Variants in SUPT5H observed in about 807,000 individuals in gnomAD.
The protein encoded by SUPT5H is SPT5 homolog, DSIF elongation factor subunit.
SUPT5H carries 24 observed loss-of-function variants against 142.5 expected under a neutral mutation model. The ratio of observed to expected loss-of-function variants is 0.17; its 90% CI spans 0.12 to 0.24. The LOEUF (loss-of-function observed/expected upper bound fraction) is 0.24, where lower values mean the gene tolerates loss of function less well. Ranked by LOEUF, SUPT5H falls within the 10% of genes least tolerant of loss-of-function variation. SUPT5H has a pLI of 1.00. For missense variants in SUPT5H, 893 were observed against 1,471.8 expected, an observed-to-expected ratio of 0.61 and a Z score of 6.43; for synonymous variants, 546 against 553.0, an observed-to-expected ratio of 0.99 and a Z score of 0.18.
At chr19:39,447,664 C>A (rs1387711369) in intron 2 of SUPT5H, among the ~76,000 whole-genome samples, 1 of 152,062 alleles carries the variant, frequency 6.6e-6, no homozygotes, top group South Asian at 2.1e-4. Flanking sequence ...GGTGATCCAC[C>A]CTCCTTGGCC....
intron 1 of SUPT5H, 71 bp downstream of exon 1, chr19:39,445,708 A>AG (rs2078943832): frequency 1.5e-6 from 1 of 660,612 alleles, no homozygotes; most frequent in Non-Finnish European, 2.6e-6. Context: ...GAAACTGGGG[A>AG]GGTCTAGCAT....
At chr19:39,464,280 C>G (rs1418980117) in intron 10 of SUPT5H, among the ~76,000 whole-genome samples, 2 of 152,112 alleles carry the variant, frequency 1.3e-5, no homozygotes, top group Non-Finnish European at 1.5e-5. Context: ...CCACCGTGCC[C>G]GGCTCTAGTT....
In SUPT5H at chr19:39,457,712, G is replaced by A; in HGVS notation, c.279G>A (p.Glu93=). ...AGTATGAGGACGAGGACCAGTGGGA[G>A]GATGGAGCAGAGGACATTCTAGAGA... is the stretch of plus-strand genomic sequence containing the variant. The part of the protein sequence containing the change: ...DDEYEDEDQW[E]DGAEDILEKE... The change falls in exon 4 of 30, where the codon GAG becomes GAA. Residue 93 remains glutamate, a synonymous_variant. Transcript: ENST00000432763. 6.2e-7 allele frequency: 1 copy of A among 1,614,170 alleles called. No individual in the cohort carries two copies. The highest frequency in any genetic ancestry group is 8.5e-7 in the Non-Finnish European group (1 of 1,180,008).
chr19:39,466,880 C>G lies in SUPT5H; in HGVS notation c.1037+135C>G. 1.3e-6 allele frequency: 1 copy of G among 783,308 alleles called. No individual in the cohort carries two copies. The highest frequency in any genetic ancestry group is 2.2e-6 in the Non-Finnish European group (1 of 463,148). 48.5% of individuals were successfully genotyped at this position (783,308 alleles called of 1,614,324 possible). ...ATTGGTTAGCTTGGCAGTATAGCCT[C>G]AGGCAAGTCACTTCACATCCCTGTG... On this transcript the variant is annotated intron_variant, in intron 13 of 29. Transcript: ENST00000432763. This position sits in a 1 kb window ranked among gnomAD's most constrained non-coding sequence, Gnocchi z 4.3.
chr19:39,455,646 G>A (rs1413527514), intron 3 of SUPT5H, among the ~76,000 whole-genome samples: 1 of 147,204 alleles, frequency 6.8e-6, no homozygotes, highest in African/African-American at 2.5e-5. Context: ...TTTTTGAGAT[G>A]GAGTTTCGCT....
At chr19:39,460,280 C>T (rs2079144715) in intron 10 of SUPT5H, among the ~76,000 whole-genome samples, 1 of 152,224 alleles carries the variant, frequency 6.6e-6, no homozygotes, top group African/African-American at 2.4e-5. Flanking sequence ...CTGGGGTCAC[C>T]CACTTCACCA....
chr19:39,466,407 C>T lies in SUPT5H; in HGVS notation c.877-73C>T, dbSNP rs913412412. On this transcript the variant is annotated intron_variant, in intron 11 of 29. Coordinates refer to ENST00000432763, the MANE Select transcript of SUPT5H (RefSeq NM_001111020.3). The surrounding 1 kb of genome is among the most constrained non-coding windows in gnomAD (Gnocchi z 4.3). ...CTGCGTCCCTTCTCCTTCCTAGCAT[C>T]TCCTGACCCTTCTTGTGTCTGGGGT... The T allele has an allele frequency of 2.8e-5, 39 of 1,406,544 alleles. No individual in the cohort carries two copies. Among genetic ancestry groups the T allele is most frequent in the Non-Finnish European group, 3.6e-5 (36 of 994,818 alleles). The allele number at this position is 1,406,544 out of a possible 1,614,324, so 87.1% of individuals were successfully genotyped here. A position where few individuals can be genotyped will look rare whatever the true frequency, so the allele number is the denominator to read the frequency against.
intron 2 of SUPT5H, among the ~76,000 whole-genome samples, chr19:39,450,804 A>G (rs1265377832): frequency 6.6e-6 from 1 of 152,126 alleles, no homozygotes; most frequent in Non-Finnish European, 1.5e-5. Flanking sequence ...TTGGGTCATG[A>G]GAAAGTTTCA....
Position 39,469,986 on chromosome 19 carries a change from G to C in SUPT5H, c.1375-133G>C. ...TGAGGGGTCGTCCAGGTGGACTAAGGTAGTCTGGGGTGGGTGGTAAGAGCC... is the reference window on the plus strand; with the variant it reads ...TGAGGGGTCGTCCAGGTGGACTAAGCTAGTCTGGGGTGGGTGGTAAGAGCC... On this transcript the variant is annotated intron_variant, in intron 16 of 29. Transcript: ENST00000432763. The surrounding 1 kb of genome is among the most constrained non-coding windows in gnomAD (Gnocchi z 5.1). 8.4e-7 allele frequency: 1 copy of C among 1,197,090 alleles called. No homozygotes were observed. The highest frequency in any genetic ancestry group is 1.4e-5 in the South Asian group (1 of 69,466). 74.2% of individuals were successfully genotyped at this position (1,197,090 alleles called of 1,614,324 possible).
At chr19:39,460,732 C>G (rs1045012945) in intron 10 of SUPT5H, among the ~76,000 whole-genome samples, 8 of 152,124 alleles carry the variant, frequency 5.3e-5, no homozygotes, top group African/African-American at 1.9e-4. Context: ...GATTAGGTGG[C>G]TTTATGTCCA....
intron 3 of SUPT5H, among the ~76,000 whole-genome samples, chr19:39,454,616 G>A (rs1383422201): frequency 1.3e-5 from 2 of 151,992 alleles, no homozygotes; most frequent in Non-Finnish European, 2.9e-5. Flanking sequence ...CTGAGATTAC[G>A]GGCGTGAGCC....
Position 39,464,927 on chromosome 19 carries a change from C to T in SUPT5H, c.754C>T (p.Gln252Ter). Reference sequence around the variant, plus strand: ...CAACCTGCGGCTTGGCTACTGGAACCAGCAGATGGTGCCCATCAAGGAGAT... The same window carrying T: ...CAACCTGCGGCTTGGCTACTGGAACTAGCAGATGGTGCCCATCAAGGAGAT... The part of the protein sequence containing the change: ...VGNLRLGYWN[Q>*]QMVPIKEMTD... Residue 252 changes from glutamine (Q) to a stop codon, truncating the protein, a stop_gained, in exon 11 of 30, where the codon CAG becomes TAG. Transcript: ENST00000432763. LOFTEE classifies it high-confidence loss of function. 1 of 1,614,124 alleles carries T rather than the reference C, an allele frequency of 6.2e-7. No individual in the cohort carries two copies. Among genetic ancestry groups the T allele is most frequent in the Non-Finnish European group, 8.5e-7 (1 of 1,179,988 alleles).
chr19:39,470,611 C>G lies in SUPT5H; in HGVS notation c.1677+88C>G. 2.1e-6 allele frequency: 3 copies of G among 1,418,244 alleles called. No individual in the cohort carries two copies. In the East Asian group the frequency reaches 7.8e-5, roughly 37 times the overall value. 87.9% of individuals were successfully genotyped at this position (1,418,244 alleles called of 1,614,324 possible). ...TCATCCTGGGAGGTGGCAGAGCCCC[C>G]AGACTGCTCTGGGTTGCAGATCTGG... is the stretch of plus-strand genomic sequence containing the variant. On this transcript the variant is annotated intron_variant, in intron 18 of 29. Coordinates refer to ENST00000432763, the MANE Select transcript of SUPT5H (RefSeq NM_001111020.3). This position sits in a 1 kb window ranked among gnomAD's most constrained non-coding sequence, Gnocchi z 5.8.
In SUPT5H at chr19:39,445,937, A is replaced by G. The variant is rs754205658; in HGVS notation, c.47A>G (p.Glu16Gly). ...DSNFSEEEDS[E>G]RSSDGEEAEV... ...AACTTTTCCGAGGAGGAGGACAGCG[A>G]GCGCAGCAGTGACGGCGAGGAGGCC... The change falls in exon 2 of 30, where the codon GAG becomes GGG. Residue 16 changes from glutamate to glycine, a missense_variant. Transcript: ENST00000432763. 1.1e-5 allele frequency: 18 copies of G among 1,613,462 alleles called. No individual in the cohort carries two copies. In the South Asian group the frequency reaches 2.0e-4, roughly 18 times the overall value.
Position 39,458,431 on chromosome 19 carries a change from C to A in SUPT5H, c.319+126C>A, listed in dbSNP as rs1306079539. 6.6e-6 allele frequency: 10 copies of A among 1,516,388 alleles called. No homozygotes were observed. Among genetic ancestry groups the A allele is most frequent in the Non-Finnish European group, 8.0e-6 (9 of 1,122,864 alleles). 93.9% of individuals were successfully genotyped at this position (1,516,388 alleles called of 1,614,324 possible). A position where few individuals can be genotyped will look rare whatever the true frequency, so the allele number is the denominator to read the frequency against. On this transcript the variant is annotated intron_variant, in intron 5 of 29. Coordinates refer to ENST00000432763, the MANE Select transcript of SUPT5H (RefSeq NM_001111020.3). This position sits in a 1 kb window ranked among gnomAD's most constrained non-coding sequence, Gnocchi z 4.2. The stretch of plus-strand genomic sequence containing the variant: ...CCGGTCTGGCCCTGAGGGCTCTGAC[C>A]CATGTAGGATCCAGAGTCAGGGAGT...
Position 39,458,187 on chromosome 19 carries a change from T to G in SUPT5H, c.308-107T>G. On this transcript the variant is annotated intron_variant, in intron 4 of 29. Transcript: ENST00000432763. This position sits in a 1 kb window ranked among gnomAD's most constrained non-coding sequence, Gnocchi z 4.2. The stretch of plus-strand genomic sequence containing the variant: ...CCCTTCCCCTCCCCCAACCCATTGG[T>G]TGATTTTGCTGCTATAATTTGGCTC... 1 of 1,518,742 alleles carries G rather than the reference T, an allele frequency of 6.6e-7. No individual in the cohort carries two copies. The highest frequency in any genetic ancestry group is 1.4e-5 in the African/African-American group (1 of 73,646). The allele number at this position is 1,518,742 out of a possible 1,614,324, so 94.1% of individuals were successfully genotyped here.
chr19:39,453,250 A>G (rs1175294131), intron 2 of SUPT5H, 106 bp from the exon 3 acceptor site: 1 of 1,353,726 alleles, frequency 7.4e-7, no homozygotes, highest in Non-Finnish European at 9.9e-7. Context: ...AAAGTGGGCT[A>G]TGATTGGCCA....
In SUPT5H at chr19:39,456,407, T is replaced by TGTTG. The variant is rs1311033003; in HGVS notation, c.242-1268_242-1267insGTTG. Reference sequence around the variant, plus strand: ...ACCAGGCCTGACTAGACTGTTTTTTTTTGTTGTTGTTGTTGTTGTTGTTGT... The same window carrying TGTTG: ...ACCAGGCCTGACTAGACTGTTTTTTTGTTGTTGTTGTTGTTGTTGTTGTTGTTGT... On this transcript the variant is annotated intron_variant, in intron 3 of 29. Coordinates refer to ENST00000432763, the MANE Select transcript of SUPT5H (RefSeq NM_001111020.3). Among the ~76,000 whole-genome samples, 14 of 147,248 alleles carry TGTTG rather than the reference T, an allele frequency of 9.5e-5. No individual in the cohort carries two copies. The East Asian group carries it at 1.8e-3, about 19-fold the overall frequency.
chr19:39,454,429 C>A lies in SUPT5H; in HGVS notation c.241+908C>A, dbSNP rs376686183. ...GTGGTGCGATGGCTCACTGCAACCT[C>A]TCCCTCCTGGGTTCAACTGTTTCTC... is the stretch of plus-strand genomic sequence containing the variant. On this transcript the variant is annotated intron_variant, in intron 3 of 29. Coordinates refer to ENST00000432763, the MANE Select transcript of SUPT5H (RefSeq NM_001111020.3). Among the ~76,000 whole-genome samples, 14 of 150,946 alleles carry A rather than the reference C, an allele frequency of 9.3e-5. 1 individual carries two copies. The highest frequency in any genetic ancestry group is 2.9e-4 in the African/African-American group (12 of 41,192).
Sources: gnomAD v4.1 joint callset for allele counts (sites outside exome capture counted in the v4.1 genomes callset) on GRCh38, gnomAD v4.1.1 for gene constraint, Gnocchi (gnomAD v3.1) non-coding constraint, MANE v1.5 for transcripts, NCBI Gene and HGNC (gene_info 2026-07-23, HGNC 2026-07-21) for gene names.